Variants in EPHA5 observed in about 807,000 individuals in gnomAD.
EPHA5 encodes ephrin type-A receptor 5.
A neutral mutation model predicts 105.0 loss-of-function variants in EPHA5; 60 were observed. That is an observed-to-expected ratio of 0.57 (90% CI 0.46 to 0.71). The LOEUF (loss-of-function observed/expected upper bound fraction) is 0.71. Ranked by LOEUF, EPHA5 falls within the 30% of genes least tolerant of loss-of-function variation. EPHA5 has a pLI of 0.00. For missense variants in EPHA5, 1,218 were observed against 1,274.7 expected (o/e 0.96, Z 0.68); for synonymous variants, 513 against 449.1 (o/e 1.14, Z -1.80).
chr4:65,362,625 A>AT (rs141733860), intron 11 of EPHA5, among the ~76,000 whole-genome samples: 2,017 of 151,778 alleles, frequency 0.013, 40 homozygotes, highest in African/African-American at 0.045. Flanking sequence ...CCACAGTAAC[A>AT]TTTTTTAGAA....
chr4:65,478,450 A>G (rs930965217), intron 5 of EPHA5, among the ~76,000 whole-genome samples: 1 of 152,034 alleles, frequency 6.6e-6, no homozygotes, highest in East Asian at 1.9e-4. Flanking sequence ...ATTTCCCTCC[A>G]TTTGCTCTTA....
chr4:65,439,495 T>C (rs1180616167), intron 5 of EPHA5, among the ~76,000 whole-genome samples: 1 of 147,986 alleles, frequency 6.8e-6, no homozygotes, highest in East Asian at 2.2e-4. Context: ...AACCACTCTT[T>C]AAAACTCTTT....
rs576781109 is a variant in EPHA5 at position 65,636,744 on chromosome 4, T to C, written c.246+6619A>G. Among the ~76,000 whole-genome samples, 51 of 152,236 alleles carry C rather than the reference T, an allele frequency of 3.4e-4. 2 individuals carry two copies. In the South Asian group the frequency reaches 9.7e-3, roughly 29 times the overall value. Reference sequence around the variant, plus strand: ...CCTTGGTCAAATACCATCATCTCTCTGACACTTTTGCACATCTATAAAAAG... The same window carrying C: ...CCTTGGTCAAATACCATCATCTCTCCGACACTTTTGCACATCTATAAAAAG... On this transcript the variant is annotated intron_variant, in intron 2 of 16. Coordinates refer to ENST00000613740, the MANE Select transcript of EPHA5 (RefSeq NM_001281766.3).
chr4:65,653,649 A>G (rs1489458546), intron 1 of EPHA5, among the ~76,000 whole-genome samples: 3 of 152,110 alleles, frequency 2.0e-5, no homozygotes, highest in Admixed American at 6.6e-5. Flanking sequence ...TAGTTAGCCT[A>G]GTACATATAA....
intron 5 of EPHA5, among the ~76,000 whole-genome samples, chr4:65,464,156 T>C (rs1312533360): frequency 3.3e-5 from 5 of 151,820 alleles, no homozygotes; most frequent in African/African-American, 1.2e-4. Context: ...ATGTACAAAA[T>C]AAAGTAATAA....
chr4:65,379,121 ATCG>A (rs1167082810), intron 8 of EPHA5, among the ~76,000 whole-genome samples: 4 of 151,946 alleles, frequency 2.6e-5, no homozygotes, highest in Non-Finnish European at 2.9e-5. Context: ...CAATAACTGC[ATCG>A]TGATTGGCTA....
At chr4:65,547,573 C>T (rs1056848242) in intron 3 of EPHA5, among the ~76,000 whole-genome samples, 1 of 152,018 alleles carries the variant, frequency 6.6e-6, no homozygotes, top group Non-Finnish European at 1.5e-5. Context: ...AAAGATTAGA[C>T]TTCCTCTTTT....
intron 2 of EPHA5, among the ~76,000 whole-genome samples, chr4:65,618,767 A>G (rs1239154151): frequency 6.6e-6 from 1 of 152,206 alleles, no homozygotes; most frequent in African/African-American, 2.4e-5. Flanking sequence ...TTCCCATTGG[A>G]GACATTCCAT....
chr4:65,398,820 C>G (rs768949046), intron 8 of EPHA5, among the ~76,000 whole-genome samples: 2 of 152,170 alleles, frequency 1.3e-5, no homozygotes, highest in Non-Finnish European at 2.9e-5. Flanking sequence ...CTGGGATGAT[C>G]TACCTGCAGA....
At chr4:65,496,275 A>G in intron 3 of EPHA5, among the ~76,000 whole-genome samples, 1 of 151,486 alleles carries the variant, frequency 6.6e-6, no homozygotes, top group East Asian at 1.9e-4. Context: ...CATGTGCACA[A>G]TGTGCAGGTT....
intron 3 of EPHA5, among the ~76,000 whole-genome samples, chr4:65,594,034 G>A (rs991699261): frequency 4.6e-5 from 7 of 152,240 alleles, no homozygotes; most frequent in East Asian, 3.9e-4. Flanking sequence ...GAGCTGTTCT[G>A]TTTTATGTTA....
intron 3 of EPHA5, among the ~76,000 whole-genome samples, chr4:65,570,368 G>C (rs1739998055): frequency 1.3e-5 from 2 of 151,498 alleles, no homozygotes; most frequent in Admixed American, 1.3e-4. Flanking sequence ...TCTTCTTTCT[G>C]AATCTATTCA....
chr4:65,375,716 T>C (rs1718929650), intron 8 of EPHA5, among the ~76,000 whole-genome samples: 1 of 151,714 alleles, frequency 6.6e-6, no homozygotes, highest in African/African-American at 2.4e-5. Context: ...AAAACTATAA[T>C]TGACACTAAA....
intron 2 of EPHA5, among the ~76,000 whole-genome samples, chr4:65,625,371 G>T (rs1168300450): frequency 6.6e-6 from 1 of 151,886 alleles, no homozygotes; most frequent in Admixed American, 6.6e-5. Context: ...AGTAATACAC[G>T]TCTAAAAAAG....
At chr4:65,462,436 A>G (rs1354722134) in intron 5 of EPHA5, among the ~76,000 whole-genome samples, 1 of 152,150 alleles carries the variant, frequency 6.6e-6, no homozygotes, top group South Asian at 2.1e-4. Context: ...TATTCTCACA[A>G]TTCTAAACAT....
rs147103934 is a variant in EPHA5, at chr4:65,603,141, C to T, written c.247-837G>A. Among the ~76,000 whole-genome samples, 226 of 151,882 alleles carry T rather than the reference C, an allele frequency of 1.5e-3. 1 individual carries two copies. The highest frequency in any genetic ancestry group is 9.6e-3 in the South Asian group (46 of 4,812). On this transcript the variant is annotated intron_variant, in intron 2 of 16. Transcript: ENST00000613740. ...TTAAGAGTTCTGAAGATATACAGGACGTAAAAAAAATTAAGTACAATTTAT... is the reference window on the plus strand; with the variant it reads ...TTAAGAGTTCTGAAGATATACAGGATGTAAAAAAAATTAAGTACAATTTAT...
chr4:65,521,769 C>G (rs780099411), intron 3 of EPHA5, among the ~76,000 whole-genome samples: 2 of 151,804 alleles, frequency 1.3e-5, no homozygotes, highest in African/African-American at 2.4e-5. Context: ...CAAAAGCAAG[C>G]CTTTCCTTTC....
intron 8 of EPHA5, among the ~76,000 whole-genome samples, chr4:65,370,179 G>A (rs1718318436): frequency 6.6e-6 from 1 of 151,948 alleles, no homozygotes; most frequent in Non-Finnish European, 1.5e-5. Context: ...GGGTCCTTAA[G>A]ACATCTTAAA....
At chr4:65,501,884 G>T (rs750496102) in intron 3 of EPHA5, among the ~76,000 whole-genome samples, 81 of 151,784 alleles carry the variant, frequency 5.3e-4, no homozygotes, top group Middle Eastern at 3.4e-3. Flanking sequence ...GAAATAGCAC[G>T]GTACTGGTAG....
Sources: gnomAD v4.1 joint callset for allele counts (sites outside exome capture counted in the v4.1 genomes callset) on GRCh38, gnomAD v4.1.1 for gene constraint, MANE v1.5 for transcripts, NCBI Gene and HGNC (gene_info 2026-07-23, HGNC 2026-07-21) for gene names.